Variants in MKLN1 observed in about 807,000 individuals in gnomAD.
MKLN1 encodes the protein muskelin 1, also known as muskelin.
A neutral mutation model predicts 99.0 loss-of-function variants in MKLN1; 18 were observed. The ratio of observed to expected loss-of-function variants is 0.18; its 90% CI spans 0.13 to 0.27. MKLN1 has a LOEUF of 0.27. Ranked by LOEUF, MKLN1 falls within the 10% of genes least tolerant of loss-of-function variation. MKLN1 has a pLI of 1.00. For synonymous variants in MKLN1, 288 were observed against 293.2 expected, an observed-to-expected ratio of 0.98 and a Z score of 0.18; for missense variants, 621 against 875.9, an observed-to-expected ratio of 0.71 and a Z score of 3.67.
chr7:131,446,672 G>A (rs1406933089), intron 12 of MKLN1, among the ~76,000 whole-genome samples: 1 of 152,102 alleles, frequency 6.6e-6, no homozygotes, highest in Non-Finnish European at 1.5e-5. Flanking sequence ...ATATTTTATT[G>A]ATTAATACAA....
intron 8 of MKLN1, among the ~76,000 whole-genome samples, chr7:131,421,091 G>C (rs1360113891): frequency 1.3e-5 from 2 of 152,120 alleles, no homozygotes; most frequent in Admixed American, 1.3e-4. Flanking sequence ...ATTACTTCGG[G>C]ATCTAGGTAG....
chr7:131,219,633 A>C (rs1797032988), intron 3 of MKLN1, among the ~76,000 whole-genome samples: 1 of 151,916 alleles, frequency 6.6e-6, no homozygotes, highest in African/African-American at 2.4e-5. Flanking sequence ...CTGTGAAATG[A>C]AATCATTATT....
intron 12 of MKLN1, among the ~76,000 whole-genome samples, chr7:131,449,235 G>A (rs1796107310): frequency 6.6e-6 from 1 of 152,180 alleles, no homozygotes; most frequent in Non-Finnish European, 1.5e-5. Context: ...TTCAGAAATA[G>A]TGGGACTGGT....
chr7:131,351,202 T>C, intron 1 of MKLN1, among the ~76,000 whole-genome samples: 1 of 151,880 alleles, frequency 6.6e-6, no homozygotes, highest in African/African-American at 2.4e-5. Context: ...GAGCTATGAT[T>C]GTGCCACCGC....
chr7:131,435,457 G>GT (rs958749814), intron 9 of MKLN1, among the ~76,000 whole-genome samples: 10 of 150,840 alleles, frequency 6.6e-5, no homozygotes, highest in East Asian at 1.9e-4. Flanking sequence ...AAACAGTAGA[G>GT]TTTTTTTTTC....
intron 11 of MKLN1, among the ~76,000 whole-genome samples, chr7:131,444,256 T>C (rs1795929121): frequency 1.3e-5 from 2 of 151,756 alleles, no homozygotes; most frequent in Non-Finnish European, 2.9e-5. Context: ...TAGCTGGGAT[T>C]ACAGGCATGC....
rs80103974 is a variant in MKLN1, at chr7:131,339,215, C to A, written c.98+11218C>A. 2.6e-5 allele frequency among the ~76,000 whole-genome samples: 4 copies of A among 152,158 alleles called. No homozygotes were observed. The East Asian group carries it at 7.7e-4, about 29-fold the overall frequency. ...CATGGGAGTTGGCGCCCCTAGGCCC[C>A]ACATTGTTCAAGGGTCAACTGACTG... is the stretch of plus-strand genomic sequence containing the variant. On this transcript the variant is annotated intron_variant, in intron 1 of 17. Transcript: ENST00000352689.
intron 7 of MKLN1, among the ~76,000 whole-genome samples, chr7:131,413,788 C>G (rs1176921708): frequency 3.3e-5 from 5 of 152,172 alleles, no homozygotes; most frequent in Admixed American, 2.0e-4. Context: ...ATCCACCCAC[C>G]TTGGCCTCCC....
chr7:131,174,454 G>A (rs1013641712), intron 2 of MKLN1, among the ~76,000 whole-genome samples: 4 of 152,170 alleles, frequency 2.6e-5, no homozygotes, highest in Non-Finnish European at 5.9e-5. Context: ...AAAGTTCCTT[G>A]GAAAGGGAGA....
intron 3 of MKLN1, among the ~76,000 whole-genome samples, chr7:131,283,337 TC>T: frequency 7.7e-5 from 3 of 39,136 alleles, no homozygotes; most frequent in African/African-American, 3.7e-4. Context: ...CTCCTTCCCT[TC>T]CCTTCCCCTC....
intron 15 of MKLN1, among the ~76,000 whole-genome samples, chr7:131,469,848 TC>T (rs1796769195): frequency 6.6e-6 from 1 of 151,064 alleles, no homozygotes. Flanking sequence ...TTAGGAGAAC[TC>T]ATCCAGATTC....
At chr7:131,300,643 C>T (rs1475209049) in intron 3 of MKLN1, among the ~76,000 whole-genome samples, 4 of 149,634 alleles carry the variant, frequency 2.7e-5, no homozygotes, top group Non-Finnish European at 5.9e-5. Flanking sequence ...GTTGAGATCA[C>T]GCCACTGCAC....
At chr7:131,161,959 GTGTGTATA>G (rs1456697416) in intron 2 of MKLN1, among the ~76,000 whole-genome samples, 48 of 67,832 alleles carry the variant, frequency 7.1e-4, no homozygotes, top group African/African-American at 2.2e-3. Flanking sequence ...ACGTGTGTGT[GTGTGTATA>G]TATATATATA....
At chr7:131,389,098 C>CT in intron 4 of MKLN1, 126 bp downstream of exon 4, 1 of 576,578 alleles carries the variant, frequency 1.7e-6, no homozygotes, top group Non-Finnish European at 3.0e-6. Flanking sequence ...AATATTGCTG[C>CT]GCTGGTTTGT....
intron 3 of MKLN1, among the ~76,000 whole-genome samples, chr7:131,315,045 T>A (rs866673825): frequency 2.0e-4 from 31 of 152,004 alleles, no homozygotes; most frequent in African/African-American, 7.5e-4. Context: ...ATTACAGACA[T>A]CAGCCACCAT....
rs569328466 is a variant in MKLN1, at chr7:131,136,144, G to T, written c.-418-6676G>T. 2.0e-5 allele frequency among the ~76,000 whole-genome samples: 3 copies of T among 152,280 alleles called. No individual in the cohort carries two copies. In the East Asian group the frequency reaches 5.8e-4, roughly 29 times the overall value. On this transcript the variant is annotated intron_variant, in intron 1 of 7. Coordinates refer to the MKLN1 transcript ENST00000416992. ...GGGGCCTCAGGGACGAGCTGTCCCT[G>T]CAGGGACTTGGGTGTAGGATTTTGA...
intron 9 of MKLN1, among the ~76,000 whole-genome samples, chr7:131,437,518 A>T (rs1795709259): frequency 6.6e-6 from 1 of 152,194 alleles, no homozygotes; most frequent in African/African-American, 2.4e-5. Context: ...GAGTGCCATA[A>T]GCTGCAGTGT....
In MKLN1 at chr7:131,269,036, T is replaced by C. The variant is rs117188449; in HGVS notation, c.-179+66062T>C. Among the ~76,000 whole-genome samples the C allele has an allele frequency of 1.7e-3, 262 of 152,326 alleles. 9 individuals are homozygous for C. The East Asian group carries it at 0.042, about 25-fold the overall frequency. ...CAAGCCCATGCAGACATGCTGATTGTAAGTTGCGAACACACTTGCATGTTG... is the reference window on the plus strand; with the variant it reads ...CAAGCCCATGCAGACATGCTGATTGCAAGTTGCGAACACACTTGCATGTTG... On this transcript the variant is annotated intron_variant, in intron 3 of 7. Transcript: ENST00000416992.
At chr7:131,229,182 C>CT in intron 3 of MKLN1, among the ~76,000 whole-genome samples, 1 of 150,414 alleles carries the variant, frequency 6.6e-6, no homozygotes, top group South Asian at 2.1e-4. Flanking sequence ...TTTAATTATA[C>CT]TTTAAGTTCT....
Sources: allele counts gnomAD v4.1 joint callset (sites outside exome capture counted in the v4.1 genomes callset), GRCh38; gene constraint gnomAD v4.1.1; transcripts MANE v1.5; gene names NCBI Gene and HGNC (gene_info 2026-07-23, HGNC 2026-07-21).